The following DLGAP2 variants were observed in gnomAD, a reference collection of about 807,000 sequenced individuals.
The protein encoded by DLGAP2 is DLG associated protein 2.
Under a neutral mutation model 100.3 loss-of-function variants are expected in DLGAP2, and 26 were observed. The observed-to-expected ratio is 0.26, with a 90% CI of 0.19 to 0.36. DLGAP2 has a LOEUF of 0.36. Ranked by LOEUF, DLGAP2 falls within the 10% of genes least tolerant of loss-of-function variation. The pLI, the probability that DLGAP2 is intolerant of heterozygous loss-of-function variation, is 1.00. For missense variants in DLGAP2, 1,858 were observed against 1,453.2 expected, an observed-to-expected ratio of 1.28 and a Z score of -4.53; for synonymous variants, 886 against 630.1, an observed-to-expected ratio of 1.41 and a Z score of -6.08.
intron 3 of DLGAP2, among the ~76,000 whole-genome samples, chr8:1,360,590 ACACAGGGAATC>A (rs771034098): frequency 2.0e-5 from 3 of 152,112 alleles, no homozygotes; most frequent in Non-Finnish European, 4.4e-5. Flanking sequence ...CCCGAAAAGC[ACACAGGGAATC>A]CACAGGAAAT....
At position 1,331,231 on chromosome 8, in the gene DLGAP2, C is replaced by T. The variant is rs1273043816; in HGVS notation, c.106+72348C>T. On this transcript the variant is annotated intron_variant, in intron 3 of 14. Transcript: ENST00000637795. ...GTGGCACTGATGTGCTAGTTGAAGCCATACTGTGTGCCATAACTAAGGCCG... is the reference window on the plus strand; with the variant it reads ...GTGGCACTGATGTGCTAGTTGAAGCTATACTGTGTGCCATAACTAAGGCCG... Among the ~76,000 whole-genome samples the T allele has an allele frequency of 3.3e-5, 5 of 152,148 alleles. No homozygotes were observed. In the East Asian group the frequency reaches 5.8e-4, roughly 18 times the overall value.
Position 1,619,281 on chromosome 8 carries a change from A to G in DLGAP2, c.1443-7459A>G, listed in dbSNP as rs145994652. Reference sequence around the variant, plus strand: ...TGAAAACTTTATTGGGATACACTTCAATTTCACTAGAATGGCCTAAGTTAA... The same window carrying G: ...TGAAAACTTTATTGGGATACACTTCGATTTCACTAGAATGGCCTAAGTTAA... On this transcript the variant is annotated intron_variant, in intron 6 of 14. Transcript: ENST00000637795. Among the ~76,000 whole-genome samples, 677 of 152,354 alleles carry G rather than the reference A, an allele frequency of 4.4e-3. 7 individuals are homozygous for G. Among genetic ancestry groups the G allele is most frequent in the African/African-American group, 0.014 (578 of 41,584 alleles).
chr8:950,534 C>T (rs191041747), intron 2 of DLGAP2, among the ~76,000 whole-genome samples: 1 of 152,002 alleles, frequency 6.6e-6, no homozygotes, highest in Non-Finnish European at 1.5e-5. Context: ...ATTGTAAGAG[C>T]GAAATCTAAA....
At chr8:1,622,791 G>T (rs1035077034) in intron 6 of DLGAP2, among the ~76,000 whole-genome samples, 2 of 152,156 alleles carry the variant, frequency 1.3e-5, no homozygotes, top group Admixed American at 6.5e-5. Context: ...CTGGGATGCC[G>T]CAGGAATTAC....
intron 1 of DLGAP2, among the ~76,000 whole-genome samples, chr8:877,032 C>G (rs1797698844): frequency 6.8e-6 from 1 of 146,758 alleles, no homozygotes; most frequent in African/African-American, 2.5e-5. Context: ...CAACATTCTT[C>G]TACCATCTTT....
At chr8:1,504,561 C>G (rs1312097558) in intron 4 of DLGAP2, among the ~76,000 whole-genome samples, 3 of 152,136 alleles carry the variant, frequency 2.0e-5, no homozygotes, top group Non-Finnish European at 4.4e-5. Context: ...CCCCCCAACC[C>G]TCTCTCTGTT....
chr8:1,449,792 A>C (rs73172548), intron 3 of DLGAP2, among the ~76,000 whole-genome samples: 36,915 of 100,180 alleles, frequency 0.37, 8,028 homozygotes, highest in African/African-American at 0.5. Flanking sequence ...GCCGTGCTGC[A>C]CTGGGCTGCC....
chr8:846,680 T>G (rs897907128), intron 1 of DLGAP2, among the ~76,000 whole-genome samples: 1 of 152,330 alleles, frequency 6.6e-6, no homozygotes, highest in East Asian at 1.9e-4. Flanking sequence ...ATATGGTAGT[T>G]GTATTTTTAA....
chr8:1,440,339 G>C (rs114152702), intron 3 of DLGAP2, among the ~76,000 whole-genome samples: 2,936 of 152,274 alleles, frequency 0.019, 90 homozygotes, highest in African/African-American at 0.067. Flanking sequence ...GGGAAATGGA[G>C]TCAATATTTT....
At chr8:1,358,936 T>C (rs1209204509) in intron 3 of DLGAP2, among the ~76,000 whole-genome samples, 4 of 152,014 alleles carry the variant, frequency 2.6e-5, no homozygotes, top group African/African-American at 9.7e-5. Context: ...GGAGAGAGTC[T>C]AGCTGGTCAG....
intron 1 of DLGAP2, among the ~76,000 whole-genome samples, chr8:832,395 G>C (rs1287372010): frequency 6.6e-6 from 1 of 152,138 alleles, no homozygotes; most frequent in Non-Finnish European, 1.5e-5. Context: ...TTTATATAAG[G>C]TGTAAGGAAG....
chr8:1,521,038 G>C (rs1370687155), intron 4 of DLGAP2, among the ~76,000 whole-genome samples: 2 of 152,196 alleles, frequency 1.3e-5, no homozygotes, highest in Non-Finnish European at 2.9e-5. Context: ...TCTGGATTCT[G>C]GCCGTTCTAT....
chr8:1,097,096 A>C, intron 2 of DLGAP2, among the ~76,000 whole-genome samples: 1 of 137,512 alleles, frequency 7.3e-6, no homozygotes, highest in South Asian at 2.4e-4. Flanking sequence ...CCCTGTGCTC[A>C]GGAGAGTCAA....
rs1372827332 is a variant in DLGAP2 at position 1,244,876 on chromosome 8, A to G, written c.74-13975A>G. 2.0e-5 allele frequency among the ~76,000 whole-genome samples: 3 copies of G among 152,254 alleles called. No individual in the cohort carries two copies. In the East Asian group the frequency reaches 5.8e-4, roughly 29 times the overall value. ...TAATGAGGTAAAATGTTTGCAAAGC[A>G]TATGTGTAAAAAAGGTTTCTATTTA... is the stretch of plus-strand genomic sequence containing the variant. On this transcript the variant is annotated intron_variant, in intron 2 of 14. Transcript: ENST00000637795.
At chr8:794,523 C>G (rs1795985470) in intron 1 of DLGAP2, among the ~76,000 whole-genome samples, 1 of 152,198 alleles carries the variant, frequency 6.6e-6, no homozygotes, top group South Asian at 2.1e-4. Flanking sequence ...ATAGGTTGGG[C>G]TAGTTAACTG....
intron 2 of DLGAP2, among the ~76,000 whole-genome samples, chr8:1,245,200 A>C (rs1322787985): frequency 6.6e-6 from 1 of 152,190 alleles, no homozygotes; most frequent in Non-Finnish European, 1.5e-5. Context: ...CAGAAGTTTA[A>C]ACATAGAGTT....
intron 2 of DLGAP2, among the ~76,000 whole-genome samples, chr8:936,889 C>T (rs1478246446): frequency 6.6e-6 from 1 of 152,140 alleles, no homozygotes; most frequent in Non-Finnish European, 1.5e-5. Context: ...TCTGGTCCAT[C>T]GTTTCACCAC....
At position 1,331,025 on chromosome 8, in the gene DLGAP2, A is replaced by G. The variant is rs182326541; in HGVS notation, c.106+72142A>G. ...TCATGGGGACTGAGTTCTGGGTGGG[A>G]GCACCGCTTCACAGGAGCGTGAAGA... On this transcript the variant is annotated intron_variant, in intron 3 of 14. Transcript: ENST00000637795. Among the ~76,000 whole-genome samples, 272 of 147,752 alleles carry G rather than the reference A, an allele frequency of 1.8e-3. 3 individuals carry two copies. The highest frequency in any genetic ancestry group is 3.2e-3 in the Non-Finnish European group (211 of 66,054).
intron 3 of DLGAP2, chr8:1,380,999 A>G (rs1796081567): frequency 6.6e-6 from 1 of 150,770 alleles, no homozygotes; most frequent in African/African-American, 2.4e-5. Context: ...TATTCTTTAC[A>G]TTTGATATTT....
Sources: allele counts gnomAD v4.1 joint callset (sites outside exome capture counted in the v4.1 genomes callset), GRCh38; gene constraint gnomAD v4.1.1; transcripts MANE v1.5; gene names NCBI Gene and HGNC (gene_info 2026-07-23, HGNC 2026-07-21).